FOXN3: variants seen among roughly 807,000 people sequenced by gnomAD.
FOXN3 encodes forkhead box N3, also known as forkhead box protein N3.
Under a neutral mutation model 38.4 loss-of-function variants are expected in FOXN3, and 7 were observed. The observed-to-expected ratio is 0.18, with a 90% CI of 0.10 to 0.34. FOXN3 has a LOEUF of 0.34. Ranked by LOEUF, FOXN3 falls within the 10% of genes least tolerant of loss-of-function variation. FOXN3 has a pLI of 1.00. For synonymous variants in FOXN3, 230 were observed against 242.2 expected, an observed-to-expected ratio of 0.95 and a Z score of 0.47; for missense variants, 456 against 613.4, an observed-to-expected ratio of 0.74 and a Z score of 2.71.
intron 2 of FOXN3, among the ~76,000 whole-genome samples, chr14:89,382,924 T>C (rs1277228282): frequency 6.6e-6 from 1 of 151,580 alleles, no homozygotes; most frequent in Non-Finnish European, 1.5e-5. Context: ...GGAGAAGCAG[T>C]AGCAGGAGGC....
chr14:89,395,425 C>A (rs1891074811), intron 2 of FOXN3, among the ~76,000 whole-genome samples: 1 of 152,072 alleles, frequency 6.6e-6, no homozygotes, highest in Non-Finnish European at 1.5e-5. Context: ...ACACCTAGTT[C>A]AATGCTCAGT....
Position 89,358,337 on chromosome 14 carries a change from A to C in FOXN3, c.544-7529T>G, listed in dbSNP as rs958637888. Among the ~76,000 whole-genome samples, 44 of 152,114 alleles carry C rather than the reference A, an allele frequency of 2.9e-4. 1 individual carries two copies. The highest frequency in any genetic ancestry group is 2.9e-3 in the Admixed American group (44 of 15,282). ...TAGGAAACTTAAAAACCAGAGAAGG[A>C]GTTTTCAGGGTTAAGGGATTTGGGC... On this transcript the variant is annotated intron_variant, in intron 2 of 5. Transcript: ENST00000557258.
intron 2 of FOXN3, among the ~76,000 whole-genome samples, chr14:89,354,733 T>C (rs1251853597): frequency 2.0e-5 from 3 of 151,440 alleles, no homozygotes; most frequent in Non-Finnish European, 4.4e-5. Context: ...TGGGTGCCTG[T>C]AATCCCAGCT....
chr14:89,509,317 GT>G (rs200825149), intron 1 of FOXN3, among the ~76,000 whole-genome samples: 4 of 114,282 alleles, frequency 3.5e-5, no homozygotes, highest in East Asian at 2.1e-4. Context: ...ATTATATACA[GT>G]TTTTTTTGTT....
chr14:89,489,296 G>A (rs1277604538), intron 1 of FOXN3, among the ~76,000 whole-genome samples: 1 of 152,168 alleles, frequency 6.6e-6, no homozygotes, highest in African/African-American at 2.4e-5. Flanking sequence ...ATTATAAAGT[G>A]CCATACTATA....
chr14:89,439,205 C>T (rs1892329463), intron 1 of FOXN3, among the ~76,000 whole-genome samples: 1 of 152,134 alleles, frequency 6.6e-6, no homozygotes. Context: ...CTGCCAATAG[C>T]TCTTTGAGGT....
rs1322795636 is a variant in FOXN3 at position 89,415,879 on chromosome 14, C to CACAA, written c.-15+991_-15+992insTTGT. On this transcript the variant is annotated intron_variant, in intron 1 of 5. Coordinates refer to ENST00000557258, the MANE Select transcript of FOXN3 (RefSeq NM_005197.4). ...ACACACACACACACACACACACACACACACCCTCTTTTGTTTTTTTTATGA... is the reference window on the plus strand; with the variant it reads ...ACACACACACACACACACACACACACACAAACACCCTCTTTTGTTTTTTTTATGA... Among the ~76,000 whole-genome samples, 3 of 147,180 alleles carry CACAA rather than the reference C, an allele frequency of 2.0e-5. No homozygotes were observed. The East Asian group carries it at 6.1e-4, about 30-fold the overall frequency.
At chr14:89,501,460 C>T (rs1402834601) in intron 1 of FOXN3, among the ~76,000 whole-genome samples, 3 of 152,126 alleles carry the variant, frequency 2.0e-5, no homozygotes, top group African/African-American at 7.2e-5. Context: ...TAGTGTGTTT[C>T]CCTCCTCTGC....
chr14:89,551,553 T>C (rs772655135), intron 1 of FOXN3, among the ~76,000 whole-genome samples: 1 of 152,064 alleles, frequency 6.6e-6, no homozygotes, highest in Non-Finnish European at 1.5e-5. Context: ...CTGGTATCTT[T>C]TCCCATGAGA....
chr14:89,464,849 C>G (rs935319492), intron 1 of FOXN3, among the ~76,000 whole-genome samples: 1 of 152,078 alleles, frequency 6.6e-6, no homozygotes, highest in Non-Finnish European at 1.5e-5. Context: ...AGCTGCCCAC[C>G]ACCACGCCCG....
At chr14:89,325,301 ACACCACCACCACGACCACCACCACCAC>A (rs1566956828) in intron 3 of FOXN3, among the ~76,000 whole-genome samples, 31 of 80,254 alleles carry the variant, frequency 3.9e-4, no homozygotes, top group Non-Finnish European at 8.3e-4. Flanking sequence ...ACCAACACCA[ACACCACCACCACGACCACCACCACCAC>A]CACCACCACC....
intron 2 of FOXN3, among the ~76,000 whole-genome samples, chr14:89,368,330 CAAAA>C (rs35347785): frequency 7.3e-6 from 1 of 136,722 alleles, no homozygotes. Context: ...AACTCTGTCT[CAAAA>C]AAAAAAAAAA....
chr14:89,422,134 A>C (rs1044196994), upstream of FOXN3, among the ~76,000 whole-genome samples: 1 of 152,160 alleles, frequency 6.6e-6, no homozygotes, highest in African/African-American at 2.4e-5. Flanking sequence ...GGCCTCCCAA[A>C]GTGCTGGGAT....
chr14:89,346,587 G>A (rs1474538358), intron 3 of FOXN3, among the ~76,000 whole-genome samples: 3 of 152,152 alleles, frequency 2.0e-5, no homozygotes, highest in Non-Finnish European at 2.9e-5. Flanking sequence ...GATGTCCTAC[G>A]AGAGGTACCC....
chr14:89,442,162 A>G (rs949505110), intron 1 of FOXN3, among the ~76,000 whole-genome samples: 11 of 151,898 alleles, frequency 7.2e-5, no homozygotes, highest in Admixed American at 1.3e-4. Flanking sequence ...CTGACCTCAG[A>G]TGATCCATCC....
At chr14:89,363,131 G>A (rs1031779842) in intron 2 of FOXN3, among the ~76,000 whole-genome samples, 3 of 152,098 alleles carry the variant, frequency 2.0e-5, no homozygotes, top group South Asian at 2.1e-4. Flanking sequence ...AACTGCAGGC[G>A]TGCACACACA....
At chr14:89,553,379 A>G (rs955946041) in intron 1 of FOXN3, among the ~76,000 whole-genome samples, 6 of 151,856 alleles carry the variant, frequency 4.0e-5, no homozygotes, top group Non-Finnish European at 7.4e-5. Context: ...AAGACTATAA[A>G]GTAGTGCTTG....
chr14:89,319,550 CCA>C (rs1218715662), intron 3 of FOXN3, among the ~76,000 whole-genome samples: 4 of 152,090 alleles, frequency 2.6e-5, no homozygotes, highest in African/African-American at 9.7e-5. Flanking sequence ...CTTCCACCAA[CCA>C]CAGTGTTTCC....
chr14:89,367,040 G>T (rs777510785), intron 2 of FOXN3, among the ~76,000 whole-genome samples: 1 of 152,166 alleles, frequency 6.6e-6, no homozygotes, highest in Non-Finnish European at 1.5e-5. Context: ...CTTCAGTTAT[G>T]ATTTTTTTAT....
Sources: gnomAD v4.1 joint callset for allele counts (sites outside exome capture counted in the v4.1 genomes callset) on GRCh38, gnomAD v4.1.1 for gene constraint, MANE v1.5 for transcripts, NCBI Gene and HGNC (gene_info 2026-07-23, HGNC 2026-07-21) for gene names.